CFAP299: variants seen among roughly 807,000 people sequenced by gnomAD.
CFAP299 encodes the protein cilia and flagella associated protein 299.
Under a neutral mutation model 27.0 loss-of-function variants are expected in CFAP299, and 21 were observed. The observed-to-expected ratio is 0.78, with a 90% CI of 0.55 to 1.12. The LOEUF (loss-of-function observed/expected upper bound fraction) is 1.12, where lower values mean the gene tolerates loss of function less well. Among genes scored for constraint, CFAP299 ranks in the 50% most tolerant of loss-of-function variants. The pLI, the probability that CFAP299 is intolerant of heterozygous loss-of-function variation, is 0.00. For synonymous variants in CFAP299, 104 were observed against 98.1 expected (o/e 1.06, Z -0.36); for missense variants, 310 against 276.6 (o/e 1.12, Z -0.86).
chr4:80,656,193 CTAT>C (rs1046401095), intron 3 of CFAP299, among the ~76,000 whole-genome samples: 11 of 152,104 alleles, frequency 7.2e-5, no homozygotes, highest in African/African-American at 2.2e-4. Context: ...AAAAAAAAGA[CTAT>C]TATTATTACA....
At chr4:80,609,795 T>C (rs758155531) in intron 3 of CFAP299, among the ~76,000 whole-genome samples, 43 of 152,104 alleles carry the variant, frequency 2.8e-4, no homozygotes, top group Non-Finnish European at 5.9e-4. Context: ...ATATGCTATA[T>C]TCTATAAGTT....
intron 3 of CFAP299, among the ~76,000 whole-genome samples, chr4:80,652,345 A>G (rs897442964): frequency 1.3e-5 from 2 of 152,152 alleles, no homozygotes; most frequent in Non-Finnish European, 2.9e-5. Context: ...ATTTGGCAAA[A>G]TTATAGAGAA....
chr4:80,784,411 T>C (rs139519985), intron 3 of CFAP299, among the ~76,000 whole-genome samples: 85 of 152,352 alleles, frequency 5.6e-4, no homozygotes, highest in African/African-American at 1.9e-3. Context: ...TGATATCTCA[T>C]AGTGGTTTTA....
intron 4 of CFAP299, among the ~76,000 whole-genome samples, chr4:80,893,192 C>T (rs1734432316): frequency 1.3e-5 from 2 of 151,050 alleles, no homozygotes; most frequent in Non-Finnish European, 3.0e-5. Flanking sequence ...TGTGAAAAAA[C>T]TATACACTGA....
At chr4:80,817,169 A>C (rs531685547) in intron 3 of CFAP299, among the ~76,000 whole-genome samples, 3 of 152,222 alleles carry the variant, frequency 2.0e-5, no homozygotes, top group Non-Finnish European at 2.9e-5. Flanking sequence ...CCTTTGCCTC[A>C]ATTAGGACAT....
chr4:80,446,770 A>G (rs1367387567), intron 2 of CFAP299, among the ~76,000 whole-genome samples: 5 of 152,218 alleles, frequency 3.3e-5, no homozygotes, highest in African/African-American at 1.2e-4. Flanking sequence ...TAGTCACTCA[A>G]GATAGAAATT....
rs1203322592 is a variant in CFAP299 at position 80,937,298 on chromosome 4, C to CTTTTTTTTTTTTTTTTTTTTTTTTTT, written c.477-7503_477-7502insTTTTTTTTTTTTTTTTTTTTTTTTTT. Among the ~76,000 whole-genome samples, 3 of 94,358 alleles carry CTTTTTTTTTTTTTTTTTTTTTTTTTT rather than the reference C, an allele frequency of 3.2e-5. 1 individual carries two copies. The highest frequency in any genetic ancestry group is 9.4e-5 in the African/African-American group (2 of 21,380). The allele number at this position is 94,358 out of a possible 152,430, so 61.9% of individuals were successfully genotyped here. A position where few individuals can be genotyped will look rare whatever the true frequency, so the allele number is the denominator to read the frequency against. ...GCATAGAATATCATTTTTCTTTTTT[C>CTTTTTTTTTTTTTTTTTTTTTTTTTT]TTTTTTTTTCTTTCTTTTTTTTTTT... On this transcript the variant is annotated intron_variant, in intron 4 of 5. Coordinates refer to ENST00000358105, the MANE Select transcript of CFAP299 (RefSeq NM_152770.3).
At chr4:80,420,118 T>A in intron 2 of CFAP299, 1 of 447,712 alleles carries the variant, frequency 2.2e-6, no homozygotes, top group Non-Finnish European at 4.5e-6. Flanking sequence ...AGAGCAGGCC[T>A]GTGTAGCAAA....
At chr4:80,365,804 A>G (rs1238845661) in intron 2 of CFAP299, among the ~76,000 whole-genome samples, 2 of 152,192 alleles carry the variant, frequency 1.3e-5, no homozygotes, top group African/African-American at 4.8e-5. Context: ...TATCAAGACG[A>G]GTTATTCATG....
intron 3 of CFAP299, among the ~76,000 whole-genome samples, chr4:80,760,820 G>T (rs533067379): frequency 6.6e-6 from 1 of 152,248 alleles, no homozygotes; most frequent in Admixed American, 6.5e-5. Context: ...CACTAGGGAA[G>T]TCTTCCTGAG....
intron 5 of CFAP299, among the ~76,000 whole-genome samples, chr4:80,961,277 C>A (rs145956360): frequency 6.6e-6 from 1 of 151,500 alleles, no homozygotes; most frequent in Non-Finnish European, 1.5e-5. Flanking sequence ...TTATATTAAA[C>A]CTAACACTGA....
At chr4:80,486,003 C>T (rs1487932767) in intron 2 of CFAP299, among the ~76,000 whole-genome samples, 8 of 152,078 alleles carry the variant, frequency 5.3e-5, no homozygotes, top group Admixed American at 5.2e-4. Context: ...CTGCGTTGCT[C>T]AGGCTGGACT....
chr4:80,487,380 T>G (rs182861666), intron 2 of CFAP299, among the ~76,000 whole-genome samples: 109 of 152,320 alleles, frequency 7.2e-4, no homozygotes, highest in African/African-American at 2.4e-3. Context: ...GGCTATCAGT[T>G]TTGACTATTA....
At chr4:80,736,995 G>T (rs989699220) in intron 3 of CFAP299, among the ~76,000 whole-genome samples, 1 of 152,158 alleles carries the variant, frequency 6.6e-6, no homozygotes, top group African/African-American at 2.4e-5. Flanking sequence ...AAAAAATGAT[G>T]AGTTCATGTC....
At chr4:80,649,559 C>G (rs978371592) in intron 3 of CFAP299, among the ~76,000 whole-genome samples, 14 of 152,026 alleles carry the variant, frequency 9.2e-5, no homozygotes, top group African/African-American at 3.4e-4. Context: ...AAAATAAACT[C>G]TAAATAAAAT....
In CFAP299 at chr4:80,435,419, T is replaced by A. The variant is rs572794420; in HGVS notation, c.242+72535T>A. On this transcript the variant is annotated intron_variant, in intron 2 of 5. Coordinates refer to ENST00000358105, the MANE Select transcript of CFAP299 (RefSeq NM_152770.3). The stretch of plus-strand genomic sequence containing the variant: ...ATAGTTACTTAATATATGGAACTAA[T>A]CCAAAACAAATTGCCTACAAGCTTA... 1.0e-3 allele frequency among the ~76,000 whole-genome samples: 157 copies of A among 152,184 alleles called. 1 individual carries two copies. The highest frequency in any genetic ancestry group is 1.9e-3 in the Non-Finnish European group (126 of 68,022).
chr4:80,913,884 C>T (rs1232009495), intron 4 of CFAP299, among the ~76,000 whole-genome samples: 1 of 152,110 alleles, frequency 6.6e-6, no homozygotes. Flanking sequence ...CCCCATTGAT[C>T]CACTTTTTTA....
intron 3 of CFAP299, among the ~76,000 whole-genome samples, chr4:80,650,426 G>A (rs1740224010): frequency 6.6e-6 from 1 of 151,850 alleles, no homozygotes; most frequent in Non-Finnish European, 1.5e-5. Context: ...TATCTCTTTA[G>A]CATCTTTTAA....
intron 4 of CFAP299, among the ~76,000 whole-genome samples, chr4:80,887,170 T>C (rs1245044007): frequency 6.6e-6 from 1 of 152,086 alleles, no homozygotes; most frequent in Non-Finnish European, 1.5e-5. Flanking sequence ...TTTATTCAAA[T>C]GGATAATATC....
Sources: gnomAD v4.1 joint callset for allele counts (sites outside exome capture counted in the v4.1 genomes callset) on GRCh38, gnomAD v4.1.1 for gene constraint, MANE v1.5 for transcripts, NCBI Gene and HGNC (gene_info 2026-07-23, HGNC 2026-07-21) for gene names.